ZNF624: variants seen among roughly 807,000 people sequenced by gnomAD.
ZNF624 encodes zinc finger protein 624.
ZNF624 carries 43 observed loss-of-function variants against 74.7 expected under a neutral mutation model. The ratio of observed to expected loss-of-function variants is 0.58; its 90% CI spans 0.45 to 0.74. The LOEUF is 0.74. Ranked by LOEUF, ZNF624 falls within the 30% of genes least tolerant of loss-of-function variation. ZNF624 has a pLI of 0.00. For missense variants in ZNF624, 820 were observed against 1,030.0 expected, an observed-to-expected ratio of 0.80 and a Z score of 2.79; for synonymous variants, 331 against 341.3, an observed-to-expected ratio of 0.97 and a Z score of 0.33.
rs774093290 is a variant in ZNF624 at position 16,622,885 on chromosome 17, T to C, written c.2001A>G (p.Pro667=). ...VHQRTHTGEK[P]YKCNECEKAF... ...CTTTCTCACATTCATTACATTTATA[T>C]GGTTTTTCTCCAGTATGGGTCCTCT... Residue 667 remains proline, a synonymous_variant, in exon 6 of 6, where the codon CCA becomes CCG. Coordinates refer to ENST00000311331, the MANE Select transcript of ZNF624 (RefSeq NM_020787.4). 2.5e-6 allele frequency: 4 copies of C among 1,613,880 alleles called. No homozygotes were observed. The highest frequency in any genetic ancestry group is 4.5e-5 in the East Asian group (2 of 44,858).
chr17:16,623,254 A>C lies in ZNF624; in HGVS notation c.1632T>G (p.Thr544=). The C allele has an allele frequency of 6.2e-7, 1 of 1,613,958 alleles. No individual in the cohort carries two copies. Residue 544 remains threonine (T), a synonymous_variant, in exon 6 of 6, where the codon ACT becomes ACG. Coordinates refer to ENST00000311331, the MANE Select transcript of ZNF624 (RefSeq NM_020787.4). The surrounding 1 kb of genome is among the most constrained non-coding windows in gnomAD (Gnocchi z 5.3). The stretch of plus-strand genomic sequence containing the variant: ...CTCCTGTATGCATTCTGTGGTGTAC[A>C]GTAAGGCATGAATAATTAATGAATG... ...GKAFINYSCL[T]VHHRMHTGEK... is the part of the protein sequence containing the mutation.
At chr17:16,627,916 A>G (rs570734579) in intron 5 of ZNF624, among the ~76,000 whole-genome samples, 15 of 152,308 alleles carry the variant, frequency 9.8e-5, no homozygotes, top group Admixed American at 6.5e-4. Context: ...TAATATTACT[A>G]TAGATTTTCA....
Position 16,623,936 on chromosome 17 carries a change from G to A in ZNF624, c.950C>T (p.Ser317Leu). ...NECGKTFSQPSYLSQHKKIHT... is the reference protein window; with the variant it reads ...NECGKTFSQPLYLSQHKKIHT... ...GATTTTTTTGTGCTGACTGAGATAT[G>A]AAGGCTGGCTGAATGTTTTCCCACA... The change falls in exon 6 of 6, where the codon TCA (serine) becomes TTA (leucine). Residue 317 changes from serine (S) to leucine (L), a missense_variant. Ser to Leu is a moderately radical substitution (Grantham distance 145). Transcript: ENST00000311331. This position sits in a 1 kb window ranked among gnomAD's most constrained non-coding sequence, Gnocchi z 5.3. 1 of 1,613,950 alleles carries A rather than the reference G, an allele frequency of 6.2e-7. No homozygotes were observed. Among genetic ancestry groups the A allele is most frequent in the Non-Finnish European group, 8.5e-7 (1 of 1,180,010 alleles).
At chr17:16,617,646 C>G (rs1416359297), downstream of ZNF624, 1 of 1,607,748 alleles carries the variant, frequency 6.2e-7, no homozygotes, top group Non-Finnish European at 8.5e-7. Flanking sequence ...GTAGCTGTAG[C>G]TGTCGCGATT....
chr17:16,652,898 A>G (rs1374693200), intron 1 of ZNF624, among the ~76,000 whole-genome samples: 2 of 152,364 alleles, frequency 1.3e-5, no homozygotes, highest in Non-Finnish European at 2.9e-5. Flanking sequence ...CTATTAGTAC[A>G]TGACAGTAGC....
In ZNF624 at chr17:16,629,779, C is replaced by T. The variant is rs1450651320; in HGVS notation, c.376+4083G>A. Among the ~76,000 whole-genome samples the T allele has an allele frequency of 3.9e-5, 6 of 152,182 alleles. No individual in the cohort carries two copies. In the East Asian group the frequency reaches 9.6e-4, roughly 24 times the overall value. ...ACGGGGTTTCACCATGTTGCCCAGG[C>T]TGGTCTCAAACTCCTGGCCTCCAGT... On this transcript the variant is annotated intron_variant, in intron 5 of 5. Transcript: ENST00000311331.
intron 3 of ZNF624, among the ~76,000 whole-genome samples, chr17:16,639,531 T>C (rs1909417901): frequency 1.3e-5 from 2 of 152,060 alleles, no homozygotes; most frequent in Non-Finnish European, 2.9e-5. Flanking sequence ...CATCTATAGC[T>C]TACCTTGAGG....
At position 16,622,468 on chromosome 17, in the gene ZNF624, C is replaced by T. The variant is rs201990400; in HGVS notation, c.2418G>A (p.Arg806=). 3 of 1,613,862 alleles carry T rather than the reference C, an allele frequency of 1.9e-6. No homozygotes were observed. In the East Asian group the frequency reaches 6.7e-5, roughly 36 times the overall value. ...TTCCACATTCTTCACATTTATAGGG[C>T]CTCTCCCCAGTATGAATTCTCTGAT... ...TLHQRIHTGE[R]PYKCEECGKA... Residue 806 remains arginine (R), a synonymous_variant, in exon 6 of 6, where the codon AGG becomes AGA. Transcript: ENST00000311331.
chr17:16,618,262 C>T (rs537757470), downstream of ZNF624, among the ~76,000 whole-genome samples: 2 of 151,928 alleles, frequency 1.3e-5, no homozygotes, highest in Non-Finnish European at 2.9e-5. Flanking sequence ...TGCAGTGAGC[C>T]GAGATTGTGC....
intron 3 of ZNF624, among the ~76,000 whole-genome samples, chr17:16,641,555 A>T (rs570073075): frequency 6.6e-6 from 1 of 152,342 alleles, no homozygotes; most frequent in African/African-American, 2.4e-5. Flanking sequence ...AAGTGCTGGG[A>T]TTACAGGCAT....
chr17:16,630,496 G>A (rs1222706949), intron 5 of ZNF624, among the ~76,000 whole-genome samples: 3 of 152,224 alleles, frequency 2.0e-5, no homozygotes, highest in Non-Finnish European at 4.4e-5. Context: ...GGCAGAGTTT[G>A]CAGTGAGCCG....
intron 5 of ZNF624, 85 bp from the exon 6 acceptor site, chr17:16,624,594 C>G: frequency 8.5e-7 from 1 of 1,177,642 alleles, no homozygotes; most frequent in South Asian, 1.6e-5. Flanking sequence ...GCAATAAATA[C>G]ATGGATAATG....
At chr17:16,639,752 G>T (rs1258539359) in intron 3 of ZNF624, among the ~76,000 whole-genome samples, 1 of 152,200 alleles carries the variant, frequency 6.6e-6, no homozygotes, top group Non-Finnish European at 1.5e-5. Flanking sequence ...AGACTTTACA[G>T]ATTGGTCCAG....
chr17:16,649,984 A>G (rs1909683138), intron 1 of ZNF624, among the ~76,000 whole-genome samples: 1 of 152,142 alleles, frequency 6.6e-6, no homozygotes, highest in African/African-American at 2.4e-5. Flanking sequence ...ATACTTTCTC[A>G]TTTTATTTTC....
downstream of ZNF624, chr17:16,617,058 C>T (rs1398145890): frequency 6.2e-7 from 1 of 1,611,538 alleles, no homozygotes; most frequent in Non-Finnish European, 8.5e-7. Flanking sequence ...CGGACCGAGA[C>T]CTGCTTCGAT....
intron 5 of ZNF624, among the ~76,000 whole-genome samples, chr17:16,626,782 C>T (rs945976473): frequency 2.0e-5 from 3 of 152,024 alleles, no homozygotes; most frequent in Non-Finnish European, 2.9e-5. Flanking sequence ...GAAGGCCGGG[C>T]ACAGTGGCTC....
At chr17:16,650,871 G>A (rs577208055) in intron 1 of ZNF624, among the ~76,000 whole-genome samples, 7 of 152,188 alleles carry the variant, frequency 4.6e-5, no homozygotes, top group East Asian at 3.9e-4. Context: ...TTCTCATAAC[G>A]TTCAGTAGCT....
chr17:16,640,318 A>T (rs1465975285), intron 3 of ZNF624, among the ~76,000 whole-genome samples: 2 of 152,150 alleles, frequency 1.3e-5, no homozygotes, highest in African/African-American at 4.8e-5. Context: ...ATTTAAAAAG[A>T]AGAAATCAGT....
chr17:16,647,486 A>ACATC (rs1909621219), intron 2 of ZNF624, 92 bp from the exon 3 acceptor site: 3 of 1,033,066 alleles, frequency 2.9e-6, no homozygotes, highest in South Asian at 2.5e-5. Context: ...CTGTGGATGC[A>ACATC]GTGTATACAG....
Sources: allele counts gnomAD v4.1 joint callset (sites outside exome capture counted in the v4.1 genomes callset), GRCh38; gene constraint gnomAD v4.1.1; non-coding constraint Gnocchi (gnomAD v3.1); transcripts MANE v1.5; gene names NCBI Gene and HGNC (gene_info 2026-07-23, HGNC 2026-07-21).